The following COMMD1 variants were observed in gnomAD, a reference collection of about 807,000 sequenced individuals.
COMMD1 encodes copper metabolism domain containing 1.
Under a neutral mutation model 17.2 loss-of-function variants are expected in COMMD1, and 10 were observed. That is an observed-to-expected ratio of 0.58 (90% CI 0.36 to 0.99). The LOEUF (loss-of-function observed/expected upper bound fraction) is 0.99. COMMD1 is among the 50% of genes least tolerant of loss of function. The probability of loss-of-function intolerance (pLI) is 0.01; values close to 1 mark genes in which losing one functional copy is unlikely to be tolerated. For missense variants in COMMD1, 270 were observed against 231.8 expected (o/e 1.17, Z -1.07); for synonymous variants, 97 against 91.6 (o/e 1.06, Z -0.34).
In COMMD1 at chr2:62,135,880, T is replaced by C. The variant is rs1284289645; in HGVS notation, c.512T>C (p.Ile171Thr). ...LEFDEVKVNQ[I>T]LKTLSEVEES... The stretch of plus-strand genomic sequence containing the variant: ...TTTGATGAGGTCAAAGTCAACCAAA[T>C]TCTGAAGACGCTGTCAGAGGTAGAA... The change falls in exon 3 of 3, where the codon ATT (isoleucine) becomes ACT (threonine). Residue 171 changes from isoleucine to threonine, a missense_variant. Physicochemically the swap from Ile to Thr is moderately conservative, Grantham distance 89. Transcript: ENST00000311832. The C allele has an allele frequency of 1.9e-6, 3 of 1,606,040 alleles. No individual in the cohort carries two copies. Among genetic ancestry groups the C allele is most frequent in the Non-Finnish European group, 2.6e-6 (3 of 1,172,626 alleles).
At chr2:61,892,834 G>C (rs1201637023) in intron 1 of COMMD1, among the ~76,000 whole-genome samples, 1 of 151,714 alleles carries the variant, frequency 6.6e-6, no homozygotes, top group Non-Finnish European at 1.5e-5. Flanking sequence ...CCACCATTAA[G>C]CCCCGTTTTC....
intron 1 of COMMD1, among the ~76,000 whole-genome samples, chr2:61,992,994 A>G (rs1188000277): frequency 6.6e-6 from 1 of 152,206 alleles, no homozygotes; most frequent in Non-Finnish European, 1.5e-5. Context: ...ACAAACATTA[A>G]TACTTGTACT....
chr2:62,108,051 T>G (rs1672363313), intron 2 of COMMD1, among the ~76,000 whole-genome samples: 1 of 152,212 alleles, frequency 6.6e-6, no homozygotes, highest in African/African-American at 2.4e-5. Flanking sequence ...TCAGTATTTT[T>G]GCATATCATG....
chr2:61,931,233 A>G (rs533516992), intron 1 of COMMD1, among the ~76,000 whole-genome samples: 1 of 152,196 alleles, frequency 6.6e-6, no homozygotes, highest in South Asian at 2.1e-4. Flanking sequence ...GGTCACTTGA[A>G]CCCAGGAGGT....
chr2:61,920,879 A>T (rs1475174466), intron 1 of COMMD1, among the ~76,000 whole-genome samples: 2 of 149,224 alleles, frequency 1.3e-5, no homozygotes, highest in Non-Finnish European at 3.0e-5. Context: ...ATATATGTTT[A>T]TATATATATA....
chr2:62,028,413 T>G (rs899050190), intron 2 of COMMD1, among the ~76,000 whole-genome samples: 13 of 152,180 alleles, frequency 8.5e-5, no homozygotes, highest in African/African-American at 2.9e-4. Flanking sequence ...AAAATAGTTT[T>G]TAATGCTTTA....
At chr2:62,075,735 C>T (rs918162848) in intron 2 of COMMD1, among the ~76,000 whole-genome samples, 31 of 152,346 alleles carry the variant, frequency 2.0e-4, no homozygotes, top group African/African-American at 7.2e-4. Context: ...ACTCACAATT[C>T]AGACACTAAC....
intron 1 of COMMD1, among the ~76,000 whole-genome samples, chr2:61,908,300 C>G (rs1669822483): frequency 6.6e-6 from 1 of 150,910 alleles, no homozygotes; most frequent in Non-Finnish European, 1.5e-5. Context: ...CATCTCGGCT[C>G]ACTACAACCT....
chr2:61,904,466 C>T (rs1669725011), upstream of COMMD1, among the ~76,000 whole-genome samples: 1 of 152,100 alleles, frequency 6.6e-6, no homozygotes, highest in South Asian at 2.1e-4. Flanking sequence ...CATCATGTTA[C>T]CAGAAGCAAC....
intron 1 of COMMD1, among the ~76,000 whole-genome samples, chr2:61,978,038 A>G (rs1388318048): frequency 6.6e-6 from 1 of 151,166 alleles, no homozygotes; most frequent in Admixed American, 6.6e-5. Flanking sequence ...ATCATTCCAT[A>G]TAGTCCCAGA....
At chr2:62,042,977 G>C (rs924357602) in intron 2 of COMMD1, among the ~76,000 whole-genome samples, 1 of 152,150 alleles carries the variant, frequency 6.6e-6, no homozygotes, top group South Asian at 2.1e-4. Flanking sequence ...TTTCTGTGAC[G>C]TTTTAAACAG....
chr2:61,979,108 C>G (rs1272657692), intron 1 of COMMD1, among the ~76,000 whole-genome samples: 1 of 152,086 alleles, frequency 6.6e-6, no homozygotes, highest in African/African-American at 2.4e-5. Flanking sequence ...TCCACTGCCC[C>G]CACCTCCCAC....
chr2:62,104,655 CAAT>C (rs1672278477), intron 2 of COMMD1, among the ~76,000 whole-genome samples: 1 of 109,518 alleles, frequency 9.1e-6, no homozygotes, highest in Non-Finnish European at 1.8e-5. Flanking sequence ...AAAAAAAAAA[CAAT>C]AACAACAACA....
At chr2:61,971,849 G>C (rs564690914) in intron 1 of COMMD1, among the ~76,000 whole-genome samples, 1 of 152,176 alleles carries the variant, frequency 6.6e-6, no homozygotes, top group East Asian at 1.9e-4. Context: ...GGCCAGGAGC[G>C]GTGGCTCATG....
At position 62,063,674 on chromosome 2, in the gene COMMD1, A is replaced by C. The variant is rs189955385; in HGVS notation, c.462+62692A>C. Among the ~76,000 whole-genome samples the C allele has an allele frequency of 2.4e-3, 359 of 152,004 alleles. 1 individual carries two copies. The highest frequency in any genetic ancestry group is 8.5e-3 in the African/African-American group (352 of 41,460). On this transcript the variant is annotated intron_variant, in intron 2 of 2. Transcript: ENST00000311832. ...GACCTGCATGTTTCTATAATGTTCT[A>C]TGCAGAAATTAAACTCTTTTGTATA...
intron 2 of COMMD1, among the ~76,000 whole-genome samples, chr2:62,124,322 A>G (rs761251223): frequency 6.6e-6 from 1 of 152,248 alleles, no homozygotes; most frequent in South Asian, 2.1e-4. Flanking sequence ...ATAAATAAAT[A>G]AAGTTCCTGC....
chr2:62,070,542 T>A (rs1671169966), intron 2 of COMMD1, among the ~76,000 whole-genome samples: 1 of 96,880 alleles, frequency 1.0e-5, no homozygotes, highest in Non-Finnish European at 2.0e-5. Flanking sequence ...AGCAAGACCC[T>A]GTCTCTAAAA....
chr2:62,133,998 A>G (rs1673116829), intron 2 of COMMD1, among the ~76,000 whole-genome samples: 1 of 151,896 alleles, frequency 6.6e-6, no homozygotes, highest in South Asian at 2.1e-4. Flanking sequence ...ATAGAGTTTC[A>G]TTATTATTGC....
chr2:61,992,104 A>G (rs1276038452), intron 1 of COMMD1, among the ~76,000 whole-genome samples: 2 of 152,224 alleles, frequency 1.3e-5, no homozygotes, highest in Non-Finnish European at 2.9e-5. Flanking sequence ...ATAATGAATT[A>G]ATCAGATGCT....
Sources: gnomAD v4.1 joint callset for allele counts (sites outside exome capture counted in the v4.1 genomes callset) on GRCh38, gnomAD v4.1.1 for gene constraint, MANE v1.5 for transcripts, NCBI Gene and HGNC (gene_info 2026-07-23, HGNC 2026-07-21) for gene names.